The following SCAF11 variants were observed in gnomAD, a reference collection of about 807,000 sequenced individuals.
The protein encoded by SCAF11 is protein SCAF11.
Under a neutral mutation model 140.5 loss-of-function variants are expected in SCAF11, and 47 were observed. The observed-to-expected ratio is 0.33, with a 90% confidence interval of 0.26 to 0.43. The LOEUF is 0.43. SCAF11 is among the 20% of genes least tolerant of loss of function. The pLI, the probability that SCAF11 is intolerant of heterozygous loss-of-function variation, is 1.00. For missense variants in SCAF11, 1,645 were observed against 1,705.1 expected (o/e 0.96, Z 0.62); for synonymous variants, 557 against 579.4 (o/e 0.96, Z 0.55).
chr12:45,980,096 T>G (rs1946317763), intron 1 of SCAF11, among the ~76,000 whole-genome samples: 1 of 152,146 alleles, frequency 6.6e-6, no homozygotes, highest in African/African-American at 2.4e-5. Context: ...GGCATCTCAA[T>G]TTTACATACA....
At chr12:45,951,475 G>T (rs559805094) in intron 4 of SCAF11, among the ~76,000 whole-genome samples, 175 bp downstream of exon 4, 57 of 152,204 alleles carry the variant, frequency 3.7e-4, no homozygotes, top group Admixed American at 3.2e-3. Flanking sequence ...TGAATAAAAG[G>T]TTCAGAATTT....
In SCAF11 at chr12:45,928,541, T is replaced by C; in HGVS notation, c.1160A>G (p.Lys387Arg). Residue 387 changes from lysine (K) to arginine (R), a missense_variant, in exon 11 of 15, where the codon AAA becomes AGA. By Grantham distance (26) the Lys-to-Arg change is conservative (BLOSUM62 2). Coordinates refer to ENST00000369367, the MANE Select transcript of SCAF11 (RefSeq NM_004719.3). ...VRRGRKPPLLKKKLRSSVAAP... is the reference protein window; with the variant it reads ...VRRGRKPPLLRKKLRSSVAAP... ...AGCTACAGAGCTCCGAAGTTTCTTT[T>C]TCAGTAAAGGTGGTTTTCTTCCTCT... is the stretch of plus-strand genomic sequence containing the variant. 1.9e-6 allele frequency: 3 copies of C among 1,614,134 alleles called. No homozygotes were observed. The highest frequency in any genetic ancestry group is 2.5e-6 in the Non-Finnish European group (3 of 1,180,006).
chr12:45,928,793 C>T lies in SCAF11; in HGVS notation c.908G>A (p.Gly303Asp), dbSNP rs755150221. ...QEGEEKKQTS[G>D]TSNTRGSRRK... Reference sequence around the variant, plus strand: ...TCTTGATCCTCTGGTATTTGATGTACCAGAAGTTTGCTTCTTTTCTTCCCC... The same window carrying T: ...TCTTGATCCTCTGGTATTTGATGTATCAGAAGTTTGCTTCTTTTCTTCCCC... Residue 303 changes from glycine (G) to aspartate (D), a missense_variant, in exon 11 of 15, where the codon GGT (glycine) becomes GAT (aspartate). This residue lies in a region of SCAF11 where 1,582 missense variants were observed against 1,609.2 expected (regional missense o/e 0.98). Coordinates refer to ENST00000369367, the MANE Select transcript of SCAF11 (RefSeq NM_004719.3). 2.4e-5 allele frequency: 38 copies of T among 1,613,014 alleles called. No individual in the cohort carries two copies. Among genetic ancestry groups the T allele is most frequent in the Non-Finnish European group, 3.0e-5 (35 of 1,179,944 alleles).
At chr12:45,932,595 C>A (rs902758291) in intron 9 of SCAF11, among the ~76,000 whole-genome samples, 2 of 151,996 alleles carry the variant, frequency 1.3e-5, no homozygotes, top group Admixed American at 6.6e-5. Context: ...CAGGCAGCGA[C>A]CCTAATCTTT....
At chr12:45,972,993 GATATATAGATAT>G (rs1283639433) in intron 1 of SCAF11, among the ~76,000 whole-genome samples, 2 of 135,584 alleles carry the variant, frequency 1.5e-5, no homozygotes, top group African/African-American at 3.1e-5. Context: ...TATAGATATA[GATATATAGATAT>G]ATATATAGAT....
At chr12:45,957,380 TAA>T (rs1215546337) in intron 3 of SCAF11, among the ~76,000 whole-genome samples, 11 of 152,184 alleles carry the variant, frequency 7.2e-5, no homozygotes, top group Non-Finnish European at 1.0e-4. Flanking sequence ...AGTCCAGATA[TAA>T]GTCAAGAACT....
chr12:45,959,502 T>C (rs1241973543), intron 3 of SCAF11, among the ~76,000 whole-genome samples: 1 of 152,236 alleles, frequency 6.6e-6, no homozygotes, highest in Non-Finnish European at 1.5e-5. Context: ...AAGACACTTA[T>C]TCCTGATCCT....
Position 45,969,374 on chromosome 12 carries a change from T to C in SCAF11, c.-21-5186A>G, listed in dbSNP as rs145538518. 1.4e-3 allele frequency among the ~76,000 whole-genome samples: 214 copies of C among 152,336 alleles called. 2 individuals carry two copies. Among genetic ancestry groups the C allele is most frequent in the African/African-American group, 5.0e-3 (207 of 41,572 alleles). ...TCCAAAGTCTGTTTCTTTCTGCTGT[T>C]ACAAAACAGAGCTCCTTTCCCTTCC... On this transcript the variant is annotated intron_variant, in intron 1 of 14. Transcript: ENST00000369367.
At chr12:45,959,663 A>C (rs1207635354) in intron 3 of SCAF11, among the ~76,000 whole-genome samples, 2 of 152,252 alleles carry the variant, frequency 1.3e-5, no homozygotes, top group Non-Finnish European at 2.9e-5. Context: ...ACATGCTTTG[A>C]AACATATCTA....
At chr12:45,979,176 G>A (rs370703577) in intron 1 of SCAF11, among the ~76,000 whole-genome samples, 1 of 139,726 alleles carries the variant, frequency 7.2e-6, no homozygotes, top group Non-Finnish European at 1.6e-5. Context: ...AGCCCTTATA[G>A]AAGGCACTAA....
intron 6 of SCAF11, among the ~76,000 whole-genome samples, chr12:45,936,123 A>C (rs1014279796): frequency 6.6e-6 from 1 of 151,460 alleles, no homozygotes; most frequent in Non-Finnish European, 1.5e-5. Flanking sequence ...ACACCCTTAT[A>C]CTACTCTATG....
At position 45,928,850 on chromosome 12, in the gene SCAF11, C is replaced by T. The variant is rs1349024049; in HGVS notation, c.851G>A (p.Cys284Tyr). Reference sequence around the variant, plus strand: ...AGTATGTGCTAATGCATATCCCTTGCAAGAAGTACCTAATAATATTTAAAA... The same window carrying T: ...AGTATGTGCTAATGCATATCCCTTGTAAGAAGTACCTAATAATATTTAAAA... Reference protein sequence around the residue: ...TISFEHFGTSCKGYALAHTQE... With the variant: ...TISFEHFGTSYKGYALAHTQE... The change falls in exon 11 of 15, where the codon TGC becomes TAC. Residue 284 changes from cysteine (C) to tyrosine (Y), a missense_variant. Physicochemically the swap from Cys to Tyr is radical, Grantham distance 194 (BLOSUM62 -2). Around this residue, in one of 2 missense-constraint regions of SCAF11, gnomAD observed 1,582 missense variants for 1,609.2 expected, o/e 0.98. Coordinates refer to ENST00000369367, the MANE Select transcript of SCAF11 (RefSeq NM_004719.3). 5.3e-6 allele frequency: 8 copies of T among 1,500,368 alleles called. No individual in the cohort carries two copies. Among genetic ancestry groups the T allele is most frequent in the Non-Finnish European group, 7.1e-6 (8 of 1,123,920 alleles). The allele number at this position is 1,500,368 out of a possible 1,614,324, so 92.9% of individuals were successfully genotyped here.
intron 9 of SCAF11, among the ~76,000 whole-genome samples, chr12:45,932,396 T>A (rs929234452): frequency 2.0e-5 from 3 of 152,024 alleles, no homozygotes; most frequent in Non-Finnish European, 2.9e-5. Flanking sequence ...GGAAAAAAAA[T>A]GTAACTTGTA....
chr12:45,927,614 T>C lies in SCAF11; in HGVS notation c.2087A>G (p.Glu696Gly). The change falls in exon 11 of 15, where the codon GAG (glutamate) becomes GGG (glycine). Residue 696 changes from glutamate to glycine, a missense_variant. By Grantham distance (98) the Glu-to-Gly change is moderately conservative. This residue lies in a region of SCAF11 where 1,582 missense variants were observed against 1,609.2 expected (regional missense o/e 0.98). Coordinates refer to ENST00000369367, the MANE Select transcript of SCAF11 (RefSeq NM_004719.3). ...ESLTEHPRST[E>G]LPKTHIEQIQ... The stretch of plus-strand genomic sequence containing the variant: ...CTGTTCAATGTGTGTTTTAGGCAAC[T>C]CTGTAGATCTAGGATGTTCGGTCAG... The C allele has an allele frequency of 4.3e-6, 7 of 1,613,152 alleles. No homozygotes were observed. The highest frequency in any genetic ancestry group is 5.9e-6 in the Non-Finnish European group (7 of 1,179,994).
chr12:45,970,322 G>A (rs1307661391), intron 1 of SCAF11, among the ~76,000 whole-genome samples: 2 of 152,204 alleles, frequency 1.3e-5, no homozygotes, highest in African/African-American at 4.8e-5. Flanking sequence ...ATGTGCCACT[G>A]TGCCCAGCCT....
chr12:45,971,447 T>C (rs571107919), intron 1 of SCAF11, among the ~76,000 whole-genome samples: 2 of 152,206 alleles, frequency 1.3e-5, no homozygotes, highest in South Asian at 4.2e-4. Context: ...CAGGAGTAAA[T>C]AATAGCATAT....
chr12:45,983,354 A>C (rs1363247465), intron 1 of SCAF11, among the ~76,000 whole-genome samples: 1 of 152,352 alleles, frequency 6.6e-6, no homozygotes, highest in East Asian at 1.9e-4. Flanking sequence ...TAATAGACAC[A>C]TAGATATCAA....
intron 3 of SCAF11, among the ~76,000 whole-genome samples, 194 bp from the exon 4 acceptor site, chr12:45,951,921 A>G (rs1945560194): frequency 6.6e-6 from 1 of 152,192 alleles, no homozygotes; most frequent in South Asian, 2.1e-4. Context: ...TTGGAATACA[A>G]TGATGAACGA....
At position 45,923,806 on chromosome 12, in the gene SCAF11, C is replaced by T. The variant is rs140930999; in HGVS notation, c.3907-652G>A. On this transcript the variant is annotated intron_variant, in intron 12 of 14. Transcript: ENST00000369367. The stretch of plus-strand genomic sequence containing the variant: ...CAAGTGATTCTTGAGCCTCAGCCTC[C>T]GAGTAGCTGGGATTACAGGAATGCA... 1.8e-4 allele frequency among the ~76,000 whole-genome samples: 27 copies of T among 152,058 alleles called. No homozygotes were observed. The East Asian group carries it at 5.2e-3, about 29-fold the overall frequency.
Sources: gnomAD v4.1 joint callset for allele counts (sites outside exome capture counted in the v4.1 genomes callset) on GRCh38, gnomAD v4.1.1 for gene constraint, gnomAD v4.1.1 regional missense constraint, MANE v1.5 for transcripts, NCBI Gene and HGNC (gene_info 2026-07-23, HGNC 2026-07-21) for gene names.